KALRN: variants seen among roughly 807,000 people sequenced by gnomAD.
KALRN encodes the protein kalirin RhoGEF kinase.
In KALRN, 70 loss-of-function variants were observed where a neutral mutation model predicts 353.7. The observed-to-expected ratio is 0.20, with a 90% CI of 0.16 to 0.24. The LOEUF (loss-of-function observed/expected upper bound fraction) is 0.24, where lower values mean the gene tolerates loss of function less well. KALRN is among the 10% of genes least tolerant of loss of function. The pLI is 1.00. For synonymous variants in KALRN, 1,391 were observed against 1,434.8 expected, an observed-to-expected ratio of 0.97 and a Z score of 0.69; for missense variants, 2,791 against 3,756.7, an observed-to-expected ratio of 0.74 and a Z score of 6.72.
At chr3:124,085,704 G>C (rs2060780272) in intron 1 of KALRN, among the ~76,000 whole-genome samples, 1 of 152,190 alleles carries the variant, frequency 6.6e-6, no homozygotes, top group African/African-American at 2.4e-5. Context: ...TTTAGTAGCA[G>C]CTTCAATATT....
intron 1 of KALRN, among the ~76,000 whole-genome samples, chr3:124,185,016 T>G (rs2074047921): frequency 6.6e-6 from 1 of 152,150 alleles, no homozygotes; most frequent in Admixed American, 6.6e-5. Context: ...TTTGTTTGTT[T>G]GTTTTGTTTT....
chr3:124,660,790 T>C (rs1460679798), intron 43 of KALRN, 133 bp from the exon 44 acceptor site: 6 of 666,002 alleles, frequency 9.0e-6, no homozygotes, highest in African/African-American at 9.0e-5. Flanking sequence ...TCTCAGCTAC[T>C]CTACACCATT....
At chr3:124,433,459 A>G (rs2093352763) in intron 16 of KALRN, among the ~76,000 whole-genome samples, 1 of 151,770 alleles carries the variant, frequency 6.6e-6, no homozygotes, top group African/African-American at 2.4e-5. Flanking sequence ...GTGATGGCAC[A>G]CACCTGTAGT....
At chr3:124,574,252 G>A (rs896533995) in intron 34 of KALRN, among the ~76,000 whole-genome samples, 8 of 152,156 alleles carry the variant, frequency 5.3e-5, no homozygotes, top group Non-Finnish European at 8.8e-5. Flanking sequence ...ACTCAGTGTC[G>A]TGCTGTCTCC....
At chr3:124,266,399 G>T (rs1006123357) in intron 4 of KALRN, among the ~76,000 whole-genome samples, 1 of 151,990 alleles carries the variant, frequency 6.6e-6, no homozygotes, top group Non-Finnish European at 1.5e-5. Context: ...CAAGGATGAT[G>T]TATTACTTTC....
intron 10 of KALRN, among the ~76,000 whole-genome samples, chr3:124,357,582 C>T (rs1464757898): frequency 6.6e-6 from 1 of 152,198 alleles, no homozygotes; most frequent in Non-Finnish European, 1.5e-5. Flanking sequence ...CTTAATCCTT[C>T]TCACTCCTTT....
chr3:124,458,702 C>G (rs2059574546), intron 23 of KALRN, among the ~76,000 whole-genome samples: 1 of 152,066 alleles, frequency 6.6e-6, no homozygotes, highest in Admixed American at 6.6e-5. Context: ...CTGAGGTGGG[C>G]AGATCACCTT....
intron 3 of KALRN, among the ~76,000 whole-genome samples, chr3:124,237,460 T>C (rs553899419): frequency 6.6e-6 from 1 of 152,036 alleles, no homozygotes; most frequent in Non-Finnish European, 1.5e-5. Context: ...CTTCCCAGGT[T>C]CAAGTGATTC....
chr3:124,398,663 T>A (rs766794012), intron 12 of KALRN, 34 bp from the exon 13 acceptor site: 1 of 1,612,346 alleles, frequency 6.2e-7, no homozygotes, highest in Non-Finnish European at 8.5e-7. Flanking sequence ...TGGAAAGGCC[T>A]CTCCCTCCCT....
intron 3 of KALRN, among the ~76,000 whole-genome samples, chr3:124,248,809 C>T (rs557612035): frequency 5.9e-5 from 9 of 152,290 alleles, no homozygotes; most frequent in South Asian, 2.1e-4. Flanking sequence ...CTGTTCTGTC[C>T]GGAGCTGGAA....
intron 10 of KALRN, among the ~76,000 whole-genome samples, chr3:124,376,714 G>A (rs1289845516): frequency 6.6e-6 from 1 of 152,196 alleles, no homozygotes. Context: ...AGTGCTAAAT[G>A]GAACTGGGAA....
At chr3:124,039,707 A>G (rs551942794) in intron 1 of KALRN, among the ~76,000 whole-genome samples, 3 of 152,326 alleles carry the variant, frequency 2.0e-5, no homozygotes, top group African/African-American at 7.2e-5. Flanking sequence ...CAGTCTGTAC[A>G]TTGCCAGGTA....
chr3:124,268,404 T>A lies in KALRN; in HGVS notation c.457-339T>A, dbSNP rs1016477171. Among the ~76,000 whole-genome samples, 5 of 152,236 alleles carry A rather than the reference T, an allele frequency of 3.3e-5. No homozygotes were observed. In the East Asian group the frequency reaches 9.6e-4, roughly 29 times the overall value. On this transcript the variant is annotated intron_variant, in intron 4 of 59. Coordinates refer to ENST00000682506, the MANE Select transcript of KALRN (RefSeq NM_001388419.1). Reference sequence around the variant, plus strand: ...CCCCCAGAAACTAGGTCAGTTTTTCTTCCAGCTTCTGCTTCTAGCCTCTGA... The same window carrying A: ...CCCCCAGAAACTAGGTCAGTTTTTCATCCAGCTTCTGCTTCTAGCCTCTGA...
At chr3:124,619,833 A>C (rs1003180759) in intron 34 of KALRN, among the ~76,000 whole-genome samples, 1 of 152,118 alleles carries the variant, frequency 6.6e-6, no homozygotes, top group Non-Finnish European at 1.5e-5. Flanking sequence ...TACTGTTTGC[A>C]TAATAGCTGT....
At chr3:124,601,608 T>C (rs532220013) in intron 34 of KALRN, among the ~76,000 whole-genome samples, 2 of 152,366 alleles carry the variant, frequency 1.3e-5, no homozygotes, top group East Asian at 3.9e-4. Context: ...TAAGGACCTT[T>C]ATATGTATGT....
chr3:124,616,555 T>C (rs1020216914), intron 34 of KALRN, among the ~76,000 whole-genome samples: 3 of 152,224 alleles, frequency 2.0e-5, no homozygotes, highest in African/African-American at 2.4e-5. Flanking sequence ...AAATGCTCTA[T>C]GTTCCCTCTG....
chr3:124,151,856 T>C (rs1019736245), intron 1 of KALRN: 5 of 459,026 alleles, frequency 1.1e-5, no homozygotes, highest in African/African-American at 7.9e-5. Context: ...ATGCTTTTAG[T>C]GTACGGTGAG....
intron 10 of KALRN, among the ~76,000 whole-genome samples, chr3:124,354,762 T>G (rs1237068494): frequency 6.6e-6 from 1 of 152,186 alleles, no homozygotes; most frequent in Non-Finnish European, 1.5e-5. Flanking sequence ...ATTGAGCTCA[T>G]AACTAGAAAA....
chr3:124,535,190 T>TA (rs1561240663), intron 33 of KALRN, among the ~76,000 whole-genome samples: 2 of 151,904 alleles, frequency 1.3e-5, no homozygotes, highest in African/African-American at 4.8e-5. Context: ...TTTTTTTTTT[T>TA]AAAACACTAG....
Sources: gnomAD v4.1 joint callset for allele counts (sites outside exome capture counted in the v4.1 genomes callset) on GRCh38, gnomAD v4.1.1 for gene constraint, MANE v1.5 for transcripts, NCBI Gene and HGNC (gene_info 2026-07-23, HGNC 2026-07-21) for gene names.